The following SPAG1 variants were observed in gnomAD, a reference collection of about 807,000 sequenced individuals.
SPAG1 encodes the protein sperm-associated antigen 1.
A neutral mutation model predicts 100.5 loss-of-function variants in SPAG1; 69 were observed. That is an observed-to-expected ratio of 0.69 (90% CI 0.57 to 0.84). SPAG1 has a LOEUF of 0.84. Ranked by LOEUF, SPAG1 falls within the 40% of genes least tolerant of loss-of-function variation. The pLI, the probability that SPAG1 is intolerant of heterozygous loss-of-function variation, is 0.00. For synonymous variants in SPAG1, 336 were observed against 411.6 expected (o/e 0.82, Z 2.22); for missense variants, 955 against 1,133.1 (o/e 0.84, Z 2.26).
Position 100,191,399 on chromosome 8 carries a change from G to A in SPAG1, c.842G>A (p.Arg281His), listed in dbSNP as rs369126472. The change falls in exon 9 of 19, where the codon CGT becomes CAT. Residue 281 changes from arginine (R) to histidine (H), a missense_variant. Arg to His is a conservative substitution (Grantham distance 29, BLOSUM62 0). Transcript: ENST00000388798. The stretch of plus-strand genomic sequence containing the variant: ...ATTGGTAAATTTTCAGCTCTTCTGC[G>A]TCGTGCTACTACATATAAACATCAA... ...LEPGNVKALL[R>H]RATTYKHQNK... is the part of the protein sequence containing the mutation. 98 of 1,611,544 alleles carry A rather than the reference G, an allele frequency of 6.1e-5. No homozygotes were observed. Among genetic ancestry groups the A allele is most frequent in the African/African-American group, 3.2e-4 (24 of 74,930 alleles).
At chr8:100,183,027 G>A (rs1328154803) in intron 4 of SPAG1, among the ~76,000 whole-genome samples, 2 of 151,988 alleles carry the variant, frequency 1.3e-5, no homozygotes, top group African/African-American at 2.4e-5. Flanking sequence ...AGGCTGGAGT[G>A]TAGTTGCTCG....
At chr8:100,163,835 G>A (rs539773711) in intron 2 of SPAG1, among the ~76,000 whole-genome samples, 87 of 152,076 alleles carry the variant, frequency 5.7e-4, no homozygotes, top group African/African-American at 2.0e-3. Flanking sequence ...GGTCAAGGAC[G>A]GATAAATAAA....
chr8:100,218,035 A>G (rs2439466), intron 12 of SPAG1, among the ~76,000 whole-genome samples: 44,445 of 152,066 alleles, frequency 0.29, 7,912 homozygotes, highest in East Asian at 0.5. Flanking sequence ...TGGTCTGCCA[A>G]CCTTGGCCTC....
chr8:100,168,703 T>TTTTTTTTTTTTTTTTTTG (rs1815682838), intron 3 of SPAG1, among the ~76,000 whole-genome samples: 2 of 139,886 alleles, frequency 1.4e-5, no homozygotes, highest in Admixed American at 7.2e-5. Context: ...TTTTTTGTTG[T>TTTTTTTTTTTTTTTTTTG]TGAGACAGAG....
chr8:100,211,870 G>A (rs1374672327), intron 10 of SPAG1, among the ~76,000 whole-genome samples: 4 of 152,126 alleles, frequency 2.6e-5, no homozygotes, highest in African/African-American at 9.7e-5. Context: ...CAGACCCGAG[G>A]GGATACTGTG....
intron 3 of SPAG1, among the ~76,000 whole-genome samples, chr8:100,176,839 CTCT>C (rs1454214380): frequency 6.8e-6 from 1 of 147,990 alleles, no homozygotes; most frequent in Non-Finnish European, 1.5e-5. Flanking sequence ...CTCTCCTCTC[CTCT>C]TCTCTCTCCT....
intron 12 of SPAG1, among the ~76,000 whole-genome samples, chr8:100,216,569 A>G (rs1244671575): frequency 2.0e-5 from 3 of 152,156 alleles, no homozygotes; most frequent in African/African-American, 7.2e-5. Context: ...GCGTCGGTTT[A>G]GGTAGGTTGT....
chr8:100,162,040 C>A (rs904166504), intron 1 of SPAG1, among the ~76,000 whole-genome samples: 3 of 152,140 alleles, frequency 2.0e-5, no homozygotes, highest in African/African-American at 7.2e-5. Flanking sequence ...CCAGGAACAC[C>A]TAGGTGGGAC....
intron 1 of SPAG1, among the ~76,000 whole-genome samples, chr8:100,161,787 C>T (rs896316882): frequency 6.6e-6 from 1 of 152,154 alleles, no homozygotes; most frequent in African/African-American, 2.4e-5. Flanking sequence ...AGCACTCAGA[C>T]TTTAGATATA....
At chr8:100,178,394 T>G (rs372625807) in intron 4 of SPAG1, among the ~76,000 whole-genome samples, 3 of 152,032 alleles carry the variant, frequency 2.0e-5, no homozygotes, top group South Asian at 4.2e-4. Context: ...ATTCCTCTGT[T>G]TAGTGCATGT....
At chr8:100,224,123 TTAAAA>T (rs1818401431) in intron 13 of SPAG1, among the ~76,000 whole-genome samples, 1 of 152,188 alleles carries the variant, frequency 6.6e-6, no homozygotes, top group Non-Finnish European at 1.5e-5. Flanking sequence ...TTCTGTATGT[TTAAAA>T]TAATGAAAAA....
chr8:100,240,869 T>G (rs757823923), intron 18 of SPAG1, 22 bp from the exon 19 acceptor site: 103 of 1,566,674 alleles, frequency 6.6e-5, no homozygotes, highest in Middle Eastern at 1.7e-4. Flanking sequence ...TTTTTGTTTT[T>G]TTTTTTTTTT....
chr8:100,168,687 C>CTTTTTTTTTTT lies in SPAG1; in HGVS notation c.300+2715_300+2725dup, dbSNP rs747506730. Among the ~76,000 whole-genome samples, 253 of 95,518 alleles carry CTTTTTTTTTTT rather than the reference C, an allele frequency of 2.6e-3. 8 individuals carry two copies. The highest frequency in any genetic ancestry group is 6.7e-3 in the Middle Eastern group (1 of 150). The allele number at this position is 95,518 out of a possible 152,430, so 62.7% of individuals were successfully genotyped here. On this transcript the variant is annotated intron_variant, in intron 3 of 18. Transcript: ENST00000388798. ...AGCATGAGCCACCATGCCCAGCCAT[C>CTTTTTTTTTTT]TTTTTTTTTTTGTTGTTGAGACAGA...
At chr8:100,210,866 C>T (rs2453625) in intron 10 of SPAG1, among the ~76,000 whole-genome samples, 49,741 of 150,174 alleles carry the variant, frequency 0.33, 8,802 homozygotes, top group East Asian at 0.51. Context: ...TTTGCCCTGT[C>T]GCCCAGGGTG....
At chr8:100,177,965 G>A in intron 4 of SPAG1, 24 bp downstream of exon 4, 1 of 1,602,470 alleles carries the variant, frequency 6.2e-7, no homozygotes, top group Non-Finnish European at 8.5e-7. Flanking sequence ...ATATCTTTGT[G>A]GGTGGTAGCA....
At chr8:100,240,245 T>G (rs1170718737) in intron 17 of SPAG1, among the ~76,000 whole-genome samples, 158 bp from the exon 18 acceptor site, 1 of 152,220 alleles carries the variant, frequency 6.6e-6, no homozygotes, top group Non-Finnish European at 1.5e-5. Flanking sequence ...ACCCTAAAAC[T>G]TCTCTTCCTA....
Position 100,241,262 on chromosome 8 carries a change from A to G in SPAG1, c.*240A>G. On this transcript the variant is annotated 3_prime_UTR_variant, in exon 19 of 19. Coordinates refer to ENST00000388798, the MANE Select transcript of SPAG1 (RefSeq NM_003114.5). This position sits in a 1 kb window ranked among gnomAD's most constrained non-coding sequence, Gnocchi z 5.1. ...AGTATATTTAGAACTTGTTAAAAAT[A>G]CATTTTAATTTATGATATACATATT... 1 of 291,576 alleles carries G rather than the reference A, an allele frequency of 3.4e-6. No individual in the cohort carries two copies. The highest frequency in any genetic ancestry group is 6.2e-6 in the Non-Finnish European group (1 of 160,632). 18.1% of individuals were successfully genotyped at this position (291,576 alleles called of 1,614,324 possible).
At chr8:100,177,966 G>A (rs369602966) in intron 4 of SPAG1, 25 bp downstream of exon 4, 3 of 1,600,794 alleles carry the variant, frequency 1.9e-6, no homozygotes, top group Admixed American at 1.7e-5. Flanking sequence ...TATCTTTGTG[G>A]GTGGTAGCAG....
chr8:100,225,214 G>A lies in SPAG1; in HGVS notation c.1730G>A (p.Arg577Gln), dbSNP rs774918839. Residue 577 changes from arginine (R) to glutamine (Q), a missense_variant, in exon 14 of 19, where the codon CGG becomes CAG. Arg to Gln is a conservative substitution (Grantham distance 43). Transcript: ENST00000388798. ...ATGGAGCTGGATGGACCAAATTGGC[G>A]GGAGAAGCTGTCACCTATTCCTGCT... The part of the protein sequence containing the change: ...ILMELDGPNW[R>Q]EKLSPIPAVP... 21 of 1,613,612 alleles carry A rather than the reference G, an allele frequency of 1.3e-5. No homozygotes were observed. Among genetic ancestry groups the A allele is most frequent in the East Asian group, 4.5e-5 (2 of 44,868 alleles).
Sources: allele counts gnomAD v4.1 joint callset (sites outside exome capture counted in the v4.1 genomes callset), GRCh38; gene constraint gnomAD v4.1.1; non-coding constraint Gnocchi (gnomAD v3.1); transcripts MANE v1.5; gene names NCBI Gene and HGNC (gene_info 2026-07-23, HGNC 2026-07-21).